Variants in NSF observed in about 807,000 individuals in gnomAD.
The protein encoded by NSF is N-ethylmaleimide sensitive factor, vesicle fusing ATPase, also known as vesicle-fusing ATPase.
In NSF, 14 loss-of-function variants were observed where a neutral mutation model predicts 50.3. The observed-to-expected ratio is 0.28, with a 90% confidence interval of 0.18 to 0.44. The LOEUF (loss-of-function observed/expected upper bound fraction) is 0.44. NSF is among the 20% of genes least tolerant of loss of function. The probability of loss-of-function intolerance (pLI) is 1.00; values close to 1 mark genes in which losing one functional copy is unlikely to be tolerated. For missense variants in NSF, 218 were observed against 504.3 expected (o/e 0.43, Z 5.44); for synonymous variants, 109 against 175.7 (o/e 0.62, Z 3.00).
chr17:46,726,532 A>G lies in NSF; in HGVS notation c.1762-17A>G. 6.2e-7 allele frequency: 1 copy of G among 1,612,766 alleles called. No homozygotes were observed. On this transcript the variant is annotated splice_polypyrimidine_tract_variant and intron_variant, in intron 15 of 20. Coordinates refer to ENST00000398238, the MANE Select transcript of NSF (RefSeq NM_006178.4). ...GTGGAGGACAGTGAGATAATAAATG[A>G]CTTTGTTTTCTTTCAGATCTTTGAT... is the stretch of plus-strand genomic sequence containing the variant.
intron 15 of NSF, among the ~76,000 whole-genome samples, chr17:46,726,304 G>A (rs1187164529): frequency 2.6e-5 from 4 of 152,194 alleles, no homozygotes; most frequent in Non-Finnish European, 5.9e-5. Context: ...TGTGTCAGTT[G>A]ATTAATGATC....
intron 9 of NSF, among the ~76,000 whole-genome samples, chr17:46,687,332 C>T (rs1292587808): frequency 6.7e-6 from 1 of 148,506 alleles, no homozygotes; most frequent in Non-Finnish European, 1.5e-5. Flanking sequence ...ATCTTGTTCT[C>T]TATTTGGAGG....
At chr17:46,740,804 G>A (rs767101530) in intron 17 of NSF, among the ~76,000 whole-genome samples, 3 of 152,002 alleles carry the variant, frequency 2.0e-5, no homozygotes, top group Non-Finnish European at 4.4e-5. Context: ...TGGGATTACA[G>A]GCATGCACCA....
intron 17 of NSF, among the ~76,000 whole-genome samples, chr17:46,739,984 C>A (rs1479435694): frequency 6.6e-6 from 1 of 152,076 alleles, no homozygotes; most frequent in Non-Finnish European, 1.5e-5. Context: ...ACAGGCCTGG[C>A]CTGATTTTAA....
chr17:46,752,932 T>C (rs997345440), intron 19 of NSF, among the ~76,000 whole-genome samples: 1 of 152,046 alleles, frequency 6.6e-6, no homozygotes, highest in Non-Finnish European at 1.5e-5. Flanking sequence ...CATGCCTGGC[T>C]AATTTTTTGT....
chr17:46,721,154 C>G (rs1436653601), intron 15 of NSF, among the ~76,000 whole-genome samples: 2 of 152,230 alleles, frequency 1.3e-5, no homozygotes, highest in African/African-American at 4.8e-5. Flanking sequence ...GTGGCACACT[C>G]TTGCCTTAAG....
Position 46,755,853 on chromosome 17 carries a change from A to C in NSF, c.*30A>C. 1 of 1,608,956 alleles carries C rather than the reference A, an allele frequency of 6.2e-7. No individual in the cohort carries two copies. ...GAACTATTTGAAACACACAGTGACC[A>C]AGGGAAGTGACCAAGGTGAAGATGG... On this transcript the variant is annotated 3_prime_UTR_variant, in exon 21 of 21. Coordinates refer to ENST00000398238, the MANE Select transcript of NSF (RefSeq NM_006178.4).
At position 46,711,065 on chromosome 17, in the gene NSF, G is replaced by A. The variant is rs2058714928; in HGVS notation, c.1573G>A (p.Val525Met). Residue 525 changes from valine to methionine, a missense_variant, in exon 14 of 21, where the codon GTG (valine) becomes ATG (methionine). By Grantham distance (21) the Val-to-Met change is conservative. This residue lies in a region of NSF where 209 missense variants were observed against 320.9 expected (regional missense o/e 0.65). Coordinates refer to ENST00000398238, the MANE Select transcript of NSF (RefSeq NM_006178.4). Reference sequence around the variant, plus strand: ...AGTTCTAGATGATGGGGAGCTGCTGGTGCAGCAGACTAAGAACAGTGACCG... The same window carrying A: ...AGTTCTAGATGATGGGGAGCTGCTGATGCAGCAGACTAAGAACAGTGACCG... ...TRVLDDGELL[V>M]QQTKNSDRTP... 1.3e-6 allele frequency: 2 copies of A among 1,584,884 alleles called. No homozygotes were observed. The highest frequency in any genetic ancestry group is 1.7e-6 in the Non-Finnish European group (2 of 1,169,676).
chr17:46,598,944 G>A (rs1266897822), intron 1 of NSF, among the ~76,000 whole-genome samples: 4 of 137,276 alleles, frequency 2.9e-5, no homozygotes, highest in South Asian at 2.6e-4. Context: ...TTTGTGTATC[G>A]CTTTAGTGGA....
At chr17:46,688,328 T>C (rs1225412406) in intron 9 of NSF, among the ~76,000 whole-genome samples, 1 of 150,148 alleles carries the variant, frequency 6.7e-6, no homozygotes, top group Non-Finnish European at 1.5e-5. Flanking sequence ...CTGGGCAACA[T>C]AGTGAGACCT....
chr17:46,735,387 G>A (rs888891053), intron 17 of NSF, among the ~76,000 whole-genome samples: 9 of 151,722 alleles, frequency 5.9e-5, no homozygotes, highest in African/African-American at 2.2e-4. Context: ...TTATAACGTC[G>A]TAGTAGTCCA....
intron 15 of NSF, among the ~76,000 whole-genome samples, chr17:46,714,471 G>A (rs1456143692): frequency 6.6e-6 from 1 of 152,146 alleles, no homozygotes; most frequent in African/African-American, 2.4e-5. Flanking sequence ...ACTTAATGCA[G>A]TTCTCATACA....
chr17:46,751,756 T>C, intron 19 of NSF, 140 bp downstream of exon 19: 1 of 541,214 alleles, frequency 1.8e-6, no homozygotes, highest in Non-Finnish European at 3.3e-6. Flanking sequence ...TAATTTGGTA[T>C]TAGTAGCCTG....
intron 17 of NSF, among the ~76,000 whole-genome samples, chr17:46,732,229 G>T (rs1170318879): frequency 6.6e-6 from 1 of 152,128 alleles, no homozygotes; most frequent in Non-Finnish European, 1.5e-5. Context: ...TGCATTTGTT[G>T]TATTTCCAGC....
chr17:46,597,824 A>T (rs1598632552), intron 1 of NSF, among the ~76,000 whole-genome samples: 1 of 15,336 alleles, frequency 6.5e-5, no homozygotes, highest in South Asian at 5.0e-3. Context: ...TTTGAGACAG[A>T]GTCTTGTTCT....
chr17:46,715,732 T>G (rs945893971), intron 15 of NSF, among the ~76,000 whole-genome samples: 1 of 152,224 alleles, frequency 6.6e-6, no homozygotes, highest in Non-Finnish European at 1.5e-5. Flanking sequence ...GAAGGTAATA[T>G]GTGCTGATTT....
At chr17:46,610,053 T>C (rs1484113925) in intron 1 of NSF, among the ~76,000 whole-genome samples, 5 of 137,900 alleles carry the variant, frequency 3.6e-5, no homozygotes, top group East Asian at 3.9e-4. Flanking sequence ...CTTTCTTTCT[T>C]TCTTTCTTTC....
In NSF at chr17:46,635,818, T is replaced by TGTGC. The variant is rs1208936942; in HGVS notation, c.239-1557_239-1556insTGCG. Among the ~76,000 whole-genome samples, 97 of 138,438 alleles carry TGTGC rather than the reference T, an allele frequency of 7.0e-4. 3 individuals carry two copies. The highest frequency in any genetic ancestry group is 2.0e-3 in the South Asian group (9 of 4,606). 90.8% of individuals were successfully genotyped at this position (138,438 alleles called of 152,430 possible). ...GTGTGTGTGTGTGTGTGTGTGTGTGTGCTCGTGTGTGAAGCCTTATTGAAG... is the reference window on the plus strand; with the variant it reads ...GTGTGTGTGTGTGTGTGTGTGTGTGTGTGCGCTCGTGTGTGAAGCCTTATTGAAG... On this transcript the variant is annotated intron_variant, in intron 4 of 20. Coordinates refer to ENST00000398238, the MANE Select transcript of NSF (RefSeq NM_006178.4).
intron 12 of NSF, among the ~76,000 whole-genome samples, chr17:46,697,662 A>G (rs1026181062): frequency 6.9e-6 from 1 of 145,826 alleles, no homozygotes; most frequent in Non-Finnish European, 1.5e-5. Context: ...GTCTTTATAT[A>G]ATGGATCCAT....
Sources: gnomAD v4.1 joint callset for allele counts (sites outside exome capture counted in the v4.1 genomes callset) on GRCh38, gnomAD v4.1.1 for gene constraint, gnomAD v4.1.1 regional missense constraint, MANE v1.5 for transcripts, NCBI Gene and HGNC (gene_info 2026-07-23, HGNC 2026-07-21) for gene names.